COL22A1: variants seen among roughly 807,000 people sequenced by gnomAD.
COL22A1 encodes collagen type XXII alpha 1 chain, also known as collagen alpha-1(XXII) chain.
A neutral mutation model predicts 248.9 loss-of-function variants in COL22A1; 221 were observed. That is an observed-to-expected ratio of 0.89 (90% CI 0.80 to 0.99). The LOEUF (loss-of-function observed/expected upper bound fraction) is 0.99. Ranked by LOEUF, COL22A1 falls within the 50% of genes least tolerant of loss-of-function variation. The probability of loss-of-function intolerance (pLI) is 0.00; values close to 1 mark genes in which losing one functional copy is unlikely to be tolerated. For synonymous variants in COL22A1, 891 were observed against 793.4 expected (o/e 1.12, Z -2.07); for missense variants, 2,240 against 2,179.0 (o/e 1.03, Z -0.56).
chr8:138,715,567 TTTAAAA>T, intron 30 of COL22A1, 109 bp downstream of exon 30: 4 of 429,390 alleles, frequency 9.3e-6, no homozygotes, highest in South Asian at 2.7e-5. Context: ...AGACTCTCAT[TTTAAAA>T]AAAAAAAAAA....
At chr8:138,686,495 GGC>G (rs1826363997) in intron 37 of COL22A1, among the ~76,000 whole-genome samples, 1 of 152,194 alleles carries the variant, frequency 6.6e-6, no homozygotes, top group Non-Finnish European at 1.5e-5. Flanking sequence ...GGATGGAGAG[GGC>G]CTCTCTCCAA....
At chr8:138,598,690 C>T (rs763337593) in intron 61 of COL22A1, 29 bp downstream of exon 61, 19 of 1,592,056 alleles carry the variant, frequency 1.2e-5, no homozygotes, top group Middle Eastern at 2.1e-4. Context: ...CGAGGAGCCC[C>T]GAGTCCAAAG....
At chr8:138,656,676 G>A (rs138814505) in intron 44 of COL22A1, among the ~76,000 whole-genome samples, 121 of 152,242 alleles carry the variant, frequency 7.9e-4, no homozygotes, top group African/African-American at 2.7e-3. Context: ...GAAATTAAAA[G>A]GCAGACCGTA....
intron 50 of COL22A1, among the ~76,000 whole-genome samples, chr8:138,628,134 A>G (rs903094369): frequency 6.6e-6 from 1 of 151,836 alleles, no homozygotes; most frequent in African/African-American, 2.4e-5. Context: ...TATGTGACAG[A>G]TGACAAGGGA....
intron 5 of COL22A1, among the ~76,000 whole-genome samples, chr8:138,832,721 A>C (rs1820143391): frequency 2.0e-5 from 3 of 152,236 alleles, no homozygotes; most frequent in Admixed American, 2.0e-4. Flanking sequence ...GCTATGCACT[A>C]CTAAACCATA....
chr8:138,880,973 G>A (rs570458563), intron 2 of COL22A1, among the ~76,000 whole-genome samples: 1 of 152,352 alleles, frequency 6.6e-6, no homozygotes, highest in East Asian at 1.9e-4. Flanking sequence ...GGGATTGTGT[G>A]CCCGTGAGGC....
At chr8:138,853,999 G>A (rs1306912962) in intron 3 of COL22A1, among the ~76,000 whole-genome samples, 2 of 152,190 alleles carry the variant, frequency 1.3e-5, no homozygotes, top group Admixed American at 6.5e-5. Flanking sequence ...TTGAGCAAGG[G>A]TGTGGAGACC....
At chr8:138,854,610 T>C (rs1821876803) in intron 3 of COL22A1, among the ~76,000 whole-genome samples, 1 of 152,132 alleles carries the variant, frequency 6.6e-6, no homozygotes, top group Non-Finnish European at 1.5e-5. Flanking sequence ...TGATCACCAA[T>C]GAGAAATGTC....
chr8:138,675,979 C>T (rs1450181433), intron 41 of COL22A1, among the ~76,000 whole-genome samples: 1 of 152,192 alleles, frequency 6.6e-6, no homozygotes, highest in African/African-American at 2.4e-5. Flanking sequence ...ATATTGATAG[C>T]AATCCTCAAC....
chr8:138,736,652 C>A (rs938312385), intron 23 of COL22A1, among the ~76,000 whole-genome samples: 3 of 152,050 alleles, frequency 2.0e-5, no homozygotes, highest in African/African-American at 7.2e-5. Context: ...GGAAGCAGAG[C>A]CAAGTATGGC....
intron 23 of COL22A1, among the ~76,000 whole-genome samples, chr8:138,732,568 T>C (rs1002747422): frequency 6.6e-5 from 10 of 152,256 alleles, no homozygotes; most frequent in African/African-American, 1.9e-4. Flanking sequence ...ACTTCACAAA[T>C]GTTACTTTTC....
At chr8:138,849,596 T>G (rs1232607527) in intron 3 of COL22A1, among the ~76,000 whole-genome samples, 1 of 152,182 alleles carries the variant, frequency 6.6e-6, no homozygotes, top group Non-Finnish European at 1.5e-5. Flanking sequence ...ACCCAGCCAA[T>G]AGGGATTCAG....
chr8:138,877,465 T>A (rs1413684621), intron 3 of COL22A1, among the ~76,000 whole-genome samples: 1 of 152,076 alleles, frequency 6.6e-6, no homozygotes, highest in Non-Finnish European at 1.5e-5. Flanking sequence ...TTAGAACCCA[T>A]CCCTCTTTCA....
At position 138,648,787 on chromosome 8, in the gene COL22A1, G is replaced by A. The variant is rs559029475; in HGVS notation, c.3447+878C>T. On this transcript the variant is annotated intron_variant, in intron 46 of 64. Coordinates refer to ENST00000303045, the MANE Select transcript of COL22A1 (RefSeq NM_152888.3). Reference sequence around the variant, plus strand: ...TTGGATAAAGCCAATTAGCTAAGACGGAGGGCCATCTGAATTACCAGGTGA... The same window carrying A: ...TTGGATAAAGCCAATTAGCTAAGACAGAGGGCCATCTGAATTACCAGGTGA... Among the ~76,000 whole-genome samples the A allele has an allele frequency of 1.2e-4, 18 of 152,256 alleles. No homozygotes were observed. The South Asian group carries it at 2.9e-3, about 25-fold the overall frequency.
intron 10 of COL22A1, among the ~76,000 whole-genome samples, chr8:138,803,180 C>T (rs964561870): frequency 2.0e-4 from 31 of 152,294 alleles, no homozygotes; most frequent in African/African-American, 7.0e-4. Context: ...AAGCATTGCA[C>T]ATTCATCCTT....
chr8:138,650,777 T>C (rs749533711), intron 45 of COL22A1, among the ~76,000 whole-genome samples: 3 of 152,218 alleles, frequency 2.0e-5, no homozygotes, highest in Non-Finnish European at 4.4e-5. Context: ...TTAGCCATTA[T>C]TGTTAGTTTA....
intron 16 of COL22A1, among the ~76,000 whole-genome samples, chr8:138,772,406 G>A (rs1033610271): frequency 2.0e-5 from 3 of 152,230 alleles, no homozygotes; most frequent in African/African-American, 4.8e-5. Flanking sequence ...GAGGACAGGG[G>A]TTCTAAGCAG....
At chr8:138,907,209 T>C (rs1371724198) in intron 1 of COL22A1, among the ~76,000 whole-genome samples, 1 of 152,214 alleles carries the variant, frequency 6.6e-6, no homozygotes, top group Admixed American at 6.5e-5. Context: ...GGGGAGCCTG[T>C]GGCTTTGTCT....
At chr8:138,630,882 C>A in intron 49 of COL22A1, 134 bp from the exon 50 acceptor site, 1 of 809,768 alleles carries the variant, frequency 1.2e-6, no homozygotes, top group South Asian at 1.4e-5. Context: ...AAATGTGATT[C>A]CCAATATTGT....
Sources: allele counts gnomAD v4.1 joint callset (sites outside exome capture counted in the v4.1 genomes callset), GRCh38; gene constraint gnomAD v4.1.1; transcripts MANE v1.5; gene names NCBI Gene and HGNC (gene_info 2026-07-23, HGNC 2026-07-21).